The following CSNK2A2IP variants were observed in gnomAD, a reference collection of about 807,000 sequenced individuals.
CSNK2A2IP encodes the protein casein kinase 2 subunit alpha' interacting protein, also known as casein kinase II subunit alpha'-interacting protein.
the CSNK2A2IP span, among the ~76,000 whole-genome samples, chr3:88,358,662 C>G: frequency 3.3e-5 from 5 of 152,036 alleles, no homozygotes; most frequent in Admixed American, 6.6e-5. Flanking sequence ...GCATGTTGAA[C>G]CATCCTTGCA....
the CSNK2A2IP span, among the ~76,000 whole-genome samples, chr3:88,361,829 C>T: frequency 1.3e-5 from 2 of 151,628 alleles, no homozygotes; most frequent in Non-Finnish European, 2.9e-5. Context: ...TTTCTTATAG[C>T]CTGTCTTCAA....
At chr3:88,381,089 A>T in the CSNK2A2IP span, among the ~76,000 whole-genome samples, 11 of 152,210 alleles carry the variant, frequency 7.2e-5, no homozygotes, top group African/African-American at 2.7e-4. Flanking sequence ...CCCCTGAAGC[A>T]GGGAAAAACC....
At chr3:88,448,104 G>T in the CSNK2A2IP span, among the ~76,000 whole-genome samples, 1 of 152,272 alleles carries the variant, frequency 6.6e-6, no homozygotes, top group East Asian at 1.9e-4. Context: ...CTGGTGGAGG[G>T]CATTTATTGG....
chr3:88,391,000 G>C, the CSNK2A2IP span, among the ~76,000 whole-genome samples: 4,566 of 152,248 alleles, frequency 0.03, 243 homozygotes, highest in African/African-American at 0.1. Context: ...AAACTTCCCT[G>C]TGGTCACTTT....
chr3:88,466,638 C>T, the CSNK2A2IP span: 1 of 1,228,804 alleles, frequency 8.1e-7, no homozygotes, highest in Non-Finnish European at 1.0e-6. Flanking sequence ...GTGGAACTGT[C>T]CCTGATGATG....
At chr3:88,402,139 C>G in the CSNK2A2IP span, among the ~76,000 whole-genome samples, 16 of 151,652 alleles carry the variant, frequency 1.1e-4, no homozygotes, top group South Asian at 3.1e-3. Flanking sequence ...ACATTCATAA[C>G]CCAGTAACTG....
the CSNK2A2IP span, chr3:88,467,262 C>T: frequency 1.2e-5 from 5 of 401,648 alleles, no homozygotes; most frequent in African/African-American, 1.0e-4. Context: ...CCTCTTCTGA[C>T]TCCTCTTCTT....
the CSNK2A2IP span, among the ~76,000 whole-genome samples, chr3:88,347,284 T>C: frequency 2.6e-5 from 4 of 152,028 alleles, no homozygotes; most frequent in African/African-American, 9.7e-5. Flanking sequence ...GATAAAGCAG[T>C]AGCAGGGTTT....
At chr3:88,343,627 ATAG>A in the CSNK2A2IP span, among the ~76,000 whole-genome samples, 4 of 152,016 alleles carry the variant, frequency 2.6e-5, no homozygotes, top group African/African-American at 7.2e-5. Flanking sequence ...AATTATTTTA[ATAG>A]TAGTAAACTT....
At chr3:88,415,011 T>TA in the CSNK2A2IP span, among the ~76,000 whole-genome samples, 3 of 151,334 alleles carry the variant, frequency 2.0e-5, no homozygotes, top group East Asian at 3.9e-4. Flanking sequence ...GACAGTAATG[T>TA]AAAAAAAACC....
the CSNK2A2IP span, among the ~76,000 whole-genome samples, chr3:88,347,426 T>C: frequency 6.6e-6 from 1 of 152,040 alleles, no homozygotes; most frequent in South Asian, 2.1e-4. Flanking sequence ...TTTAAGGAAT[T>C]GCCAGTCATC....
the CSNK2A2IP span, among the ~76,000 whole-genome samples, chr3:88,438,993 A>T: frequency 1.3e-5 from 2 of 152,130 alleles, no homozygotes; most frequent in African/African-American, 2.4e-5. Context: ...TTCCCTGAGC[A>T]TGCTTAGGCC....
the CSNK2A2IP span, among the ~76,000 whole-genome samples, chr3:88,406,842 G>C: frequency 2.0e-5 from 3 of 152,098 alleles, no homozygotes; most frequent in African/African-American, 7.2e-5. Context: ...GACCGATGTA[G>C]CCATACAATT....
the CSNK2A2IP span, among the ~76,000 whole-genome samples, chr3:88,461,854 T>C: frequency 6.6e-6 from 1 of 152,004 alleles, no homozygotes; most frequent in Non-Finnish European, 1.5e-5. Context: ...CAGCCTCCAT[T>C]CCCTGGGCTC....
At chr3:88,447,681 C>T in the CSNK2A2IP span, among the ~76,000 whole-genome samples, 41 of 151,938 alleles carry the variant, frequency 2.7e-4, no homozygotes, top group South Asian at 3.7e-3. Context: ...TACATAGTAA[C>T]GATAGAATGA....
At chr3:88,370,444 T>A in the CSNK2A2IP span, among the ~76,000 whole-genome samples, 1 of 151,824 alleles carries the variant, frequency 6.6e-6, no homozygotes, top group Non-Finnish European at 1.5e-5. Flanking sequence ...ATGACTTCTG[T>A]GCAAAGTTGT....
the CSNK2A2IP span, among the ~76,000 whole-genome samples, chr3:88,391,159 T>C: frequency 6.6e-6 from 1 of 152,230 alleles, no homozygotes; most frequent in Non-Finnish European, 1.5e-5. Context: ...CTGTGATGTG[T>C]AGATATGTAC....
the CSNK2A2IP span, among the ~76,000 whole-genome samples, chr3:88,390,819 T>C: frequency 6.6e-6 from 1 of 152,334 alleles, no homozygotes; most frequent in East Asian, 1.9e-4. Context: ...ATTTTGCTTT[T>C]GTTAGTGTTG....
chr3:88,394,376 A>T, the CSNK2A2IP span, among the ~76,000 whole-genome samples: 3 of 152,034 alleles, frequency 2.0e-5, no homozygotes, highest in Admixed American at 6.6e-5. Context: ...TTTTCTAAAA[A>T]ATTTTTGTTT....
Sources: allele counts gnomAD v4.1 joint callset (sites outside exome capture counted in the v4.1 genomes callset), GRCh38; gene constraint gnomAD v4.1.1; transcripts MANE v1.5; gene names NCBI Gene and HGNC (gene_info 2026-07-23, HGNC 2026-07-21).